The following ZNF638 variants were observed in gnomAD, a reference collection of about 807,000 sequenced individuals.
ZNF638 encodes zinc finger protein 638, also known as CTCL tumor antigen se33-1.
ZNF638 carries 46 observed loss-of-function variants against 195.6 expected under a neutral mutation model. That is an observed-to-expected ratio of 0.24 (90% CI 0.19 to 0.30). The LOEUF (loss-of-function observed/expected upper bound fraction) is 0.30. ZNF638 is among the 10% of genes least tolerant of loss of function. The probability of loss-of-function intolerance (pLI) is 1.00; values close to 1 mark genes in which losing one functional copy is unlikely to be tolerated. For missense variants in ZNF638, 2,440 were observed against 2,325.3 expected (o/e 1.05, Z -1.01); for synonymous variants, 845 against 772.0 (o/e 1.09, Z -1.57).
At chr2:71,384,926 T>A (rs1188089875) in intron 10 of ZNF638, among the ~76,000 whole-genome samples, 1 of 85,978 alleles carries the variant, frequency 1.2e-5, no homozygotes, top group Non-Finnish European at 2.2e-5. Context: ...ATAAAAGCCC[T>A]TTGCTCACCT....
At chr2:71,340,208 T>A (rs145664950) in intron 1 of ZNF638, among the ~76,000 whole-genome samples, 6 of 152,344 alleles carry the variant, frequency 3.9e-5, no homozygotes, top group African/African-American at 1.2e-4. Context: ...AATTTTCTGC[T>A]TATTTTTGCT....
intron 1 of ZNF638, among the ~76,000 whole-genome samples, chr2:71,347,156 AT>A (rs755116254): frequency 6.6e-6 from 1 of 152,150 alleles, no homozygotes; most frequent in Non-Finnish European, 1.5e-5. Flanking sequence ...TTTGTTTTTG[AT>A]TGGAAGAGAT....
At chr2:71,408,555 A>C (rs972654955) in intron 20 of ZNF638, 3 of 307,202 alleles carry the variant, frequency 9.8e-6, no homozygotes, top group African/African-American at 6.7e-5. Context: ...AGCTACTTTG[A>C]ATCCATTTTG....
At chr2:71,393,115 G>A (rs2079817615) in intron 10 of ZNF638, among the ~76,000 whole-genome samples, 1 of 152,152 alleles carries the variant, frequency 6.6e-6, no homozygotes, top group African/African-American at 2.4e-5. Flanking sequence ...ACAGGCCATA[G>A]TAGAACGTGC....
Position 71,349,053 on chromosome 2 carries a change from G to T in ZNF638, c.99G>T (p.Arg33Ser), listed in dbSNP as rs762639298. 6 of 1,614,054 alleles carry T rather than the reference G, an allele frequency of 3.7e-6. No individual in the cohort carries two copies. The Admixed American group carries it at 5.0e-5, about 13-fold the overall frequency. ...TGAGGCCTCCAGGACCATTTATGAG[G>T]CCTGGATCTATGGGTCTCCCAAGAT... is the stretch of plus-strand genomic sequence containing the variant. ...SGMRPPGPFM[R>S]PGSMGLPRFY... Residue 33 changes from arginine to serine, a missense_variant, in exon 2 of 28, where the codon AGG (arginine) becomes AGT (serine). Physicochemically the swap from Arg to Ser is moderately radical, Grantham distance 110. This residue lies in a region of ZNF638 where 191 missense variants were observed against 173.8 expected (regional missense o/e 1.10). Transcript: ENST00000264447.
intron 19 of ZNF638, among the ~76,000 whole-genome samples, 173 bp downstream of exon 19, chr2:71,406,435 A>T (rs898881233): frequency 6.6e-6 from 1 of 152,158 alleles, no homozygotes; most frequent in South Asian, 2.1e-4. Context: ...GAAAGAAGAG[A>T]TGACCTCTCT....
At chr2:71,400,704 C>G (rs553582688) in intron 15 of ZNF638, among the ~76,000 whole-genome samples, 186 bp downstream of exon 15, 1 of 151,952 alleles carries the variant, frequency 6.6e-6, no homozygotes, top group East Asian at 1.9e-4. Context: ...CTCAAAAACC[C>G]TGAGGTGCAG....
At position 71,380,255 on chromosome 2, in the gene ZNF638, A is replaced by G; in HGVS notation, c.2299A>G (p.Lys767Glu). 1 of 1,572,578 alleles carries G rather than the reference A, an allele frequency of 6.4e-7. No individual in the cohort carries two copies. Among genetic ancestry groups the G allele is most frequent in the Non-Finnish European group, 8.6e-7 (1 of 1,164,264 alleles). The change falls in exon 9 of 28, where the codon AAG becomes GAG. Residue 767 changes from lysine (K) to glutamate (E), a missense_variant. By Grantham distance (56) the Lys-to-Glu change is moderately conservative. Transcript: ENST00000264447. Reference sequence around the variant, plus strand: ...GGTGAAGAAAAAGACTTTAGAGTCAAAGAAAGTATCTGCATCTACCTTAAA... The same window carrying G: ...GGTGAAGAAAAAGACTTTAGAGTCAGAGAAAGTATCTGCATCTACCTTAAA... The part of the protein sequence containing the change: ...KEVKKKTLES[K>E]KVSASTLKRD...
chr2:71,421,627 G>T (rs899986401), intron 21 of ZNF638, among the ~76,000 whole-genome samples: 8 of 152,064 alleles, frequency 5.3e-5, no homozygotes, highest in African/African-American at 1.7e-4. Flanking sequence ...AGGGTACATG[G>T]CCACCCTCTA....
At chr2:71,383,018 T>C (rs1458860203) in intron 10 of ZNF638, among the ~76,000 whole-genome samples, 1 of 152,182 alleles carries the variant, frequency 6.6e-6, no homozygotes, top group Non-Finnish European at 1.5e-5. Context: ...TTCAAACCGT[T>C]CTTTGAGTTG....
At chr2:71,348,530 A>G (rs1367061333) in intron 1 of ZNF638, 8 of 1,177,288 alleles carry the variant, frequency 6.8e-6, no homozygotes, top group South Asian at 1.7e-5. Flanking sequence ...CACAATGTAC[A>G]TGAACTCTGG....
intron 10 of ZNF638, chr2:71,395,586 A>T (rs2079876369): frequency 1.7e-6 from 1 of 596,086 alleles, no homozygotes. Context: ...TGCGCGCAGG[A>T]CTGCTCCCAA....
At chr2:71,375,087 C>G (rs1291914658) in intron 8 of ZNF638, 1 of 151,454 alleles carries the variant, frequency 6.6e-6, no homozygotes, top group African/African-American at 2.4e-5. Context: ...TTTTTTAGTT[C>G]TCATATGTTT....
chr2:71,369,322 CAAA>C (rs34506232), intron 7 of ZNF638, among the ~76,000 whole-genome samples: 14 of 99,000 alleles, frequency 1.4e-4, no homozygotes, highest in Non-Finnish European at 1.2e-4. Context: ...GGCTCCGTCT[CAAA>C]AAAAAAAAAA....
intron 3 of ZNF638, among the ~76,000 whole-genome samples, chr2:71,361,119 G>T (rs1486654284): frequency 1.3e-5 from 2 of 152,074 alleles, no homozygotes; most frequent in Non-Finnish European, 2.9e-5. Context: ...GTGCCACCAC[G>T]CTCAGCTAAT....
At chr2:71,348,344 T>A (rs921524331) in intron 1 of ZNF638, 1 of 926,102 alleles carries the variant, frequency 1.1e-6, no homozygotes, top group Admixed American at 6.0e-5. Context: ...GTTCTTACTT[T>A]CATTATTTGT....
chr2:71,343,430 CT>C (rs2078797839), intron 1 of ZNF638, among the ~76,000 whole-genome samples: 1 of 152,168 alleles, frequency 6.6e-6, no homozygotes, highest in Non-Finnish European at 1.5e-5. Flanking sequence ...TAGATGGAAA[CT>C]TGTAAGAAGG....
chr2:71,420,954 T>C (rs757919623), intron 21 of ZNF638, among the ~76,000 whole-genome samples: 5 of 152,198 alleles, frequency 3.3e-5, no homozygotes, highest in Non-Finnish European at 7.4e-5. Context: ...GTTTCAAGTA[T>C]GGAACTGCAT....
chr2:71,357,338 C>T (rs2079040056), intron 3 of ZNF638, among the ~76,000 whole-genome samples: 1 of 152,102 alleles, frequency 6.6e-6, no homozygotes, highest in Non-Finnish European at 1.5e-5. Context: ...ATCTTTTGCA[C>T]TAAGACTGGA....
Sources: allele counts gnomAD v4.1 joint callset (sites outside exome capture counted in the v4.1 genomes callset), GRCh38; gene constraint gnomAD v4.1.1; regional missense constraint gnomAD v4.1.1; transcripts MANE v1.5; gene names NCBI Gene and HGNC (gene_info 2026-07-23, HGNC 2026-07-21).